The following PDZD2 variants were observed in gnomAD, a reference collection of about 807,000 sequenced individuals.
The protein encoded by PDZD2 is PDZ domain-containing protein 2.
In PDZD2, 90 loss-of-function variants were observed where a neutral mutation model predicts 220.7. The observed-to-expected ratio is 0.41, with a 90% CI of 0.34 to 0.49. PDZD2 has a LOEUF of 0.49. PDZD2 is among the 20% of genes least tolerant of loss of function. PDZD2 has a pLI of 0.28. For missense variants in PDZD2, 3,174 were observed against 3,608.5 expected, an observed-to-expected ratio of 0.88 and a Z score of 3.08; for synonymous variants, 1,375 against 1,450.5, an observed-to-expected ratio of 0.95 and a Z score of 1.18.
rs758867522 is a variant in PDZD2 at position 32,088,344 on chromosome 5, A to G, written c.4896A>G (p.Ser1632=). 7 of 1,614,026 alleles carry G rather than the reference A, an allele frequency of 4.3e-6. No homozygotes were observed. Among genetic ancestry groups the G allele is most frequent in the Non-Finnish European group, 5.9e-6 (7 of 1,180,028 alleles). Residue 1632 remains serine, a synonymous_variant, in exon 20 of 25, where the codon TCA becomes TCG. Coordinates refer to ENST00000438447, the MANE Select transcript of PDZD2 (RefSeq NM_178140.4). This position sits in a 1 kb window ranked among gnomAD's most constrained non-coding sequence, Gnocchi z 4.6. ...AICPASAKVL[S]LKYSTPRESV... ...GTCCTGCCTCAGCCAAAGTTCTGTCATTAAAATACAGCACTCCGAGAGAGT... is the reference window on the plus strand; with the variant it reads ...GTCCTGCCTCAGCCAAAGTTCTGTCGTTAAAATACAGCACTCCGAGAGAGT...
intron 1 of PDZD2, among the ~76,000 whole-genome samples, chr5:31,773,219 G>C (rs1279084791): frequency 1.3e-5 from 2 of 152,144 alleles, no homozygotes; most frequent in Non-Finnish European, 2.9e-5. Flanking sequence ...AAGTCAACTT[G>C]GGGCTAGTAG....
At position 32,087,848 on chromosome 5, in the gene PDZD2, G is replaced by T. The variant is rs781273004; in HGVS notation, c.4400G>T (p.Gly1467Val). 6.2e-7 allele frequency: 1 copy of T among 1,611,494 alleles called. No individual in the cohort carries two copies. Among genetic ancestry groups the T allele is most frequent in the Non-Finnish European group, 8.5e-7 (1 of 1,179,086 alleles). Reference protein sequence around the residue: ...QGHPPAGAGGGSSCRAEPVPG... With the variant: ...QGHPPAGAGGVSSCRAEPVPG... Reference sequence around the variant, plus strand: ...CACCCACCAGCCGGGGCTGGAGGTGGGAGCTCCTGCCGTGCCGAACCAGTC... The same window carrying T: ...CACCCACCAGCCGGGGCTGGAGGTGTGAGCTCCTGCCGTGCCGAACCAGTC... The change falls in exon 20 of 25, where the codon GGG becomes GTG. Residue 1467 changes from glycine to valine, a missense_variant. This residue lies in a region of PDZD2 where 1,861 missense variants were observed against 2,001.0 expected (regional missense o/e 0.93). Coordinates refer to ENST00000438447, the MANE Select transcript of PDZD2 (RefSeq NM_178140.4). This position sits in a 1 kb window ranked among gnomAD's most constrained non-coding sequence, Gnocchi z 4.0.
intron 2 of PDZD2, among the ~76,000 whole-genome samples, chr5:31,856,375 C>T (rs906173300): frequency 6.6e-6 from 1 of 152,078 alleles, no homozygotes; most frequent in Non-Finnish European, 1.5e-5. Context: ...AGGCCTGTGT[C>T]AGGTCTTAAG....
At chr5:32,023,904 C>T (rs1462176902) in intron 6 of PDZD2, among the ~76,000 whole-genome samples, 8 of 152,218 alleles carry the variant, frequency 5.3e-5, no homozygotes, top group Non-Finnish European at 8.8e-5. Context: ...GCCATTCTGA[C>T]GAGAGTGGTG....
At chr5:31,958,576 T>C (rs1320325474) in intron 2 of PDZD2, among the ~76,000 whole-genome samples, 1 of 152,014 alleles carries the variant, frequency 6.6e-6, no homozygotes, top group East Asian at 1.9e-4. Flanking sequence ...TGTTAAGGAC[T>C]GTACTGCATT....
intron 2 of PDZD2, chr5:31,923,482 G>C: frequency 1.0e-6 from 1 of 971,526 alleles, no homozygotes; most frequent in South Asian, 1.3e-5. Flanking sequence ...TTTAAGAGGG[G>C]TGCAGATCCT....
At chr5:31,926,397 A>G (rs67639251) in intron 2 of PDZD2, among the ~76,000 whole-genome samples, 95,453 of 150,014 alleles carry the variant, frequency 0.64, 30,998 homozygotes, top group East Asian at 0.78. Context: ...GTGGTGGTGC[A>G]AGCCTGTACT....
chr5:32,031,373 G>C (rs1755102291), intron 6 of PDZD2, among the ~76,000 whole-genome samples: 1 of 151,912 alleles, frequency 6.6e-6, no homozygotes, highest in Non-Finnish European at 1.5e-5. Flanking sequence ...TTTCCACTAC[G>C]CCTATTCTGA....
intron 1 of PDZD2, among the ~76,000 whole-genome samples, chr5:31,642,062 TGCCTTTGATCATGTGG>T (rs1322891923): frequency 6.6e-6 from 1 of 152,162 alleles, no homozygotes; most frequent in Non-Finnish European, 1.5e-5. Flanking sequence ...GATACCCCCT[TGCCTTTGATCATGTGG>T]GCCTAAGTGA....
intron 1 of PDZD2, among the ~76,000 whole-genome samples, chr5:31,779,474 C>T (rs538005125): frequency 1.0e-4 from 14 of 140,510 alleles, no homozygotes; most frequent in African/African-American, 2.6e-4. Context: ...TCCCGGATCA[C>T]GCCATTCTCC....
At chr5:31,913,948 C>CG (rs1743428120) in intron 2 of PDZD2, among the ~76,000 whole-genome samples, 1 of 151,880 alleles carries the variant, frequency 6.6e-6, no homozygotes, top group African/African-American at 2.4e-5. Flanking sequence ...CTCCCCTACC[C>CG]CCAGCACACA....
intron 6 of PDZD2, among the ~76,000 whole-genome samples, chr5:32,014,984 C>A: frequency 6.9e-6 from 1 of 144,410 alleles, no homozygotes; most frequent in Non-Finnish European, 1.5e-5. Context: ...CTCTGTCGCC[C>A]AGGCTGGAGT....
intron 1 of PDZD2, among the ~76,000 whole-genome samples, chr5:31,780,254 G>A (rs1300011496): frequency 1.3e-5 from 2 of 152,032 alleles, no homozygotes. Context: ...GGGGTGGGGG[G>A]TGGAGTCGGC....
At chr5:31,847,458 T>C in intron 2 of PDZD2, 1 of 570,744 alleles carries the variant, frequency 1.8e-6, no homozygotes, top group Non-Finnish European at 3.3e-6. Flanking sequence ...TTTGTCAGAT[T>C]GCGTATGCCC....
At chr5:31,977,630 G>A (rs1035577223) in intron 2 of PDZD2, among the ~76,000 whole-genome samples, 11 of 152,286 alleles carry the variant, frequency 7.2e-5, no homozygotes, top group Middle Eastern at 3.4e-3. Flanking sequence ...CACCTTTTGC[G>A]GGAAAAGGAG....
At chr5:31,716,638 A>G (rs1748463018) in intron 1 of PDZD2, among the ~76,000 whole-genome samples, 2 of 152,146 alleles carry the variant, frequency 1.3e-5, no homozygotes, top group Non-Finnish European at 2.9e-5. Context: ...CCCTGTCTCT[A>G]CTAAAAATAC....
rs549100041 is a variant in PDZD2, at chr5:31,994,966, C to A, written c.979-610C>A. Among the ~76,000 whole-genome samples the A allele has an allele frequency of 2.0e-5, 3 of 152,318 alleles. No homozygotes were observed. The East Asian group carries it at 5.8e-4, about 29-fold the overall frequency. ...CAATTTGGAGGCAAGGAAACTGAGA[C>A]TTTTAAGCATTAGGTGGCTTTCATA... On this transcript the variant is annotated intron_variant, in intron 3 of 24. Coordinates refer to ENST00000438447, the MANE Select transcript of PDZD2 (RefSeq NM_178140.4).
chr5:31,799,714 A>T lies in PDZD2; in HGVS notation c.466A>T (p.Ser156Cys), dbSNP rs376310965. 6.2e-7 allele frequency: 1 copy of T among 1,611,400 alleles called. No homozygotes were observed. Among genetic ancestry groups the T allele is most frequent in the Admixed American group, 1.7e-5 (1 of 60,016 alleles). The stretch of plus-strand genomic sequence containing the variant: ...GCAGCTGATGGTTGGAGTTGATGTC[A>T]GTGGGGCCAGGTAAGTAGGGGGAAT... The part of the protein sequence containing the change: ...NGQLMVGVDV[S>C]GASYLAEQCW... Residue 156 changes from serine (S) to cysteine (C), a missense_variant, in exon 2 of 25, where the codon AGT becomes TGT. By Grantham distance (112) the Ser-to-Cys change is moderately radical. Around this residue, in one of 4 missense-constraint regions of PDZD2, gnomAD observed 632 missense variants for 708.1 expected, o/e 0.89. Coordinates refer to ENST00000438447, the MANE Select transcript of PDZD2 (RefSeq NM_178140.4).
Position 32,048,652 on chromosome 5 carries a change from C to G in PDZD2, c.1633C>G (p.Pro545Ala). 6.2e-7 allele frequency: 1 copy of G among 1,614,134 alleles called. No individual in the cohort carries two copies. ...CCGAGATGGCCGGAAACACTCCCTC[C>G]CGCAGCTGCTGGACTCTTCCAGTGC... is the stretch of plus-strand genomic sequence containing the variant. ...VSRDGRKHSL[P>A]QLLDSSSASQ... is the part of the protein sequence containing the mutation. Residue 545 changes from proline (P) to alanine (A), a missense_variant, in exon 8 of 25, where the codon CCG becomes GCG. Around this residue, in one of 4 missense-constraint regions of PDZD2, gnomAD observed 632 missense variants for 708.1 expected, o/e 0.89. Coordinates refer to ENST00000438447, the MANE Select transcript of PDZD2 (RefSeq NM_178140.4).
Sources: allele counts gnomAD v4.1 joint callset (sites outside exome capture counted in the v4.1 genomes callset), GRCh38; gene constraint gnomAD v4.1.1; regional missense constraint gnomAD v4.1.1; non-coding constraint Gnocchi (gnomAD v3.1); transcripts MANE v1.5; gene names NCBI Gene and HGNC (gene_info 2026-07-23, HGNC 2026-07-21).